Variants in HIVEP1 observed in about 807,000 individuals in gnomAD.
The protein encoded by HIVEP1 is zinc finger protein 40.
A neutral mutation model predicts 180.0 loss-of-function variants in HIVEP1; 36 were observed. The ratio of observed to expected loss-of-function variants is 0.20; its 90% confidence interval spans 0.15 to 0.26. The LOEUF is 0.26. HIVEP1 is among the 10% of genes least tolerant of loss of function. The pLI, the probability that HIVEP1 is intolerant of heterozygous loss-of-function variation, is 1.00. For synonymous variants in HIVEP1, 1,239 were observed against 1,239.0 expected (o/e 1.00, Z 0.00); for missense variants, 3,143 against 3,268.7 (o/e 0.96, Z 0.94).
intron 2 of HIVEP1, among the ~76,000 whole-genome samples, chr6:12,034,537 CA>C (rs1769155379): frequency 6.6e-6 from 1 of 152,180 alleles, no homozygotes; most frequent in Non-Finnish European, 1.5e-5. Context: ...AGAGTTAAGA[CA>C]AGCCCAAAAC....
At chr6:12,157,985 C>G (rs12197552) in intron 7 of HIVEP1, among the ~76,000 whole-genome samples, 7,237 of 152,258 alleles carry the variant, frequency 0.048, 249 homozygotes, top group Non-Finnish European at 0.072. Flanking sequence ...TAGTTGTCAG[C>G]ACTCAGCTGA....
At chr6:12,208,924 T>C in the HIVEP1 span, among the ~76,000 whole-genome samples, 1 of 152,208 alleles carries the variant, frequency 6.6e-6, no homozygotes, top group African/African-American at 2.4e-5. Flanking sequence ...TTATGCAACC[T>C]TTTCCTTCAT....
chr6:12,040,711 CTG>C (rs1561878334), intron 2 of HIVEP1, among the ~76,000 whole-genome samples: 1 of 152,172 alleles, frequency 6.6e-6, no homozygotes, highest in Non-Finnish European at 1.5e-5. Context: ...GTACCTGAGA[CTG>C]AGTAATTTCT....
At chr6:12,132,358 C>T (rs1356858993) in intron 6 of HIVEP1, among the ~76,000 whole-genome samples, 1 of 152,076 alleles carries the variant, frequency 6.6e-6, no homozygotes, top group Non-Finnish European at 1.5e-5. Context: ...AAAAGATTAT[C>T]ATGTACAAAA....
the HIVEP1 span, among the ~76,000 whole-genome samples, chr6:12,198,286 G>C: frequency 2.6e-5 from 4 of 152,210 alleles, no homozygotes; most frequent in African/African-American, 9.7e-5. Context: ...GAACAGCATA[G>C]AGAACTAAGA....
chr6:12,152,272 A>G (rs1020736003), intron 7 of HIVEP1, among the ~76,000 whole-genome samples: 3 of 152,242 alleles, frequency 2.0e-5, no homozygotes, highest in Non-Finnish European at 4.4e-5. Flanking sequence ...ACAGAGTCAT[A>G]TATGACAAGT....
Position 12,036,777 on chromosome 6 carries a change from G to A in HIVEP1, c.40+21109G>A, listed in dbSNP as rs117964530. 7.6e-3 allele frequency among the ~76,000 whole-genome samples: 1,159 copies of A among 152,208 alleles called. 7 individuals are homozygous for A. Among genetic ancestry groups the A allele is most frequent in the East Asian group, 0.016 (81 of 5,174 alleles). On this transcript the variant is annotated intron_variant, in intron 2 of 8. Coordinates refer to ENST00000379388, the MANE Select transcript of HIVEP1 (RefSeq NM_002114.4). ...AAATTAGCTGGGTGTGCGTGGTGGCGCACGCCTGTAATCCCAGCTACTTGG... is the reference window on the plus strand; with the variant it reads ...AAATTAGCTGGGTGTGCGTGGTGGCACACGCCTGTAATCCCAGCTACTTGG...
At chr6:12,207,989 A>G in the HIVEP1 span, among the ~76,000 whole-genome samples, 1 of 152,038 alleles carries the variant, frequency 6.6e-6, no homozygotes, top group Admixed American at 6.6e-5. Flanking sequence ...GTCACTCACT[A>G]TACCAGTTTC....
intron 2 of HIVEP1, among the ~76,000 whole-genome samples, chr6:12,055,964 A>G (rs993665962): frequency 6.6e-6 from 1 of 152,218 alleles, no homozygotes; most frequent in Non-Finnish European, 1.5e-5. Flanking sequence ...CGTGCAAAAG[A>G]TGAGCTGTTA....
At chr6:12,083,682 TG>T (rs1269250417) in intron 2 of HIVEP1, among the ~76,000 whole-genome samples, 1 of 152,180 alleles carries the variant, frequency 6.6e-6, no homozygotes, top group East Asian at 1.9e-4. Context: ...GGATAACACT[TG>T]GTTAGTATGA....
At chr6:12,054,649 CAT>C (rs554006002) in intron 2 of HIVEP1, among the ~76,000 whole-genome samples, 60 of 152,316 alleles carry the variant, frequency 3.9e-4, no homozygotes, top group African/African-American at 1.4e-3. Context: ...TATTGTATCA[CAT>C]GACTTCACCA....
At chr6:12,047,995 A>G (rs1770249549) in intron 2 of HIVEP1, among the ~76,000 whole-genome samples, 1 of 152,162 alleles carries the variant, frequency 6.6e-6, no homozygotes, top group South Asian at 2.1e-4. Context: ...AGGCCCTCTG[A>G]ATTTGTAAGT....
At chr6:12,118,869 C>T (rs766101665) in intron 3 of HIVEP1, among the ~76,000 whole-genome samples, 1 of 152,204 alleles carries the variant, frequency 6.6e-6, no homozygotes. Flanking sequence ...AGCCCCTTTT[C>T]TCCTGAAAAT....
intron 7 of HIVEP1, among the ~76,000 whole-genome samples, chr6:12,145,515 T>TAAAA (rs202193525): frequency 9.6e-6 from 1 of 103,744 alleles, no homozygotes. Flanking sequence ...ACTTAAAGTA[T>TAAAA]AAAAAAAAAA....
rs1428139158 is a variant in HIVEP1, at chr6:12,128,014, C to T, written c.6076-1745C>T. ...GCTATAAAGTAAAAGGATTTCTAGG[C>T]AAAACATGGCATTTTCAACATACAA... On this transcript the variant is annotated intron_variant, in intron 4 of 8. Transcript: ENST00000379388. Among the ~76,000 whole-genome samples the T allele has an allele frequency of 2.0e-5, 3 of 152,052 alleles. No homozygotes were observed. The East Asian group carries it at 5.8e-4, about 29-fold the overall frequency.
intron 3 of HIVEP1, among the ~76,000 whole-genome samples, chr6:12,118,114 A>G (rs543740115): frequency 6.9e-6 from 1 of 145,802 alleles, no homozygotes; most frequent in South Asian, 2.2e-4. Context: ...CTTTAGCTCA[A>G]ATATTTTAGT....
chr6:12,159,160 A>G (rs1209852108), intron 7 of HIVEP1, among the ~76,000 whole-genome samples: 1 of 152,008 alleles, frequency 6.6e-6, no homozygotes, highest in Non-Finnish European at 1.5e-5. Flanking sequence ...ATGGGTTTGG[A>G]AAAAGTTAAT....
chr6:12,189,178 T>G, the HIVEP1 span, among the ~76,000 whole-genome samples: 1 of 151,880 alleles, frequency 6.6e-6, no homozygotes, highest in Non-Finnish European at 1.5e-5. Context: ...CAAAATAAAT[T>G]TCAGATTGAT....
intron 7 of HIVEP1, among the ~76,000 whole-genome samples, chr6:12,148,589 T>C (rs914311491): frequency 6.6e-6 from 1 of 152,212 alleles, no homozygotes; most frequent in African/African-American, 2.4e-5. Context: ...TCTCATCTTC[T>C]TAATCTAACA....
Sources: gnomAD v4.1 joint callset for allele counts (sites outside exome capture counted in the v4.1 genomes callset) on GRCh38, gnomAD v4.1.1 for gene constraint, MANE v1.5 for transcripts, NCBI Gene and HGNC (gene_info 2026-07-23, HGNC 2026-07-21) for gene names.